CUL5: variants seen among roughly 807,000 people sequenced by gnomAD.
CUL5 encodes the protein cullin-5.
CUL5 carries 26 observed loss-of-function variants against 108.8 expected under a neutral mutation model. That is an observed-to-expected ratio of 0.24 (90% confidence interval 0.18 to 0.33). The LOEUF is 0.33. CUL5 is among the 10% of genes least tolerant of loss of function. The probability of loss-of-function intolerance (pLI) is 1.00; values close to 1 mark genes in which losing one functional copy is unlikely to be tolerated. For synonymous variants in CUL5, 334 were observed against 298.0 expected, an observed-to-expected ratio of 1.12 and a Z score of -1.25; for missense variants, 524 against 909.2, an observed-to-expected ratio of 0.58 and a Z score of 5.45.
chr11:108,062,454 A>G lies in CUL5; in HGVS notation c.780+7499A>G, dbSNP rs554778163. ...GTCTATTGATTCCTACCAATCTGCC[A>G]GTATCATAGATTTTAAAATATTTTT... On this transcript the variant is annotated intron_variant, in intron 7 of 18. Transcript: ENST00000393094. Among the ~76,000 whole-genome samples the G allele has an allele frequency of 9.9e-5, 15 of 151,782 alleles. No homozygotes were observed. In the South Asian group the frequency reaches 2.5e-3, roughly 25 times the overall value.
intron 2 of CUL5, among the ~76,000 whole-genome samples, chr11:108,044,245 AG>A (rs1863008538): frequency 6.6e-6 from 1 of 152,114 alleles, no homozygotes; most frequent in Non-Finnish European, 1.5e-5. Context: ...GGCCAACCCC[AG>A]TGGCTCATGC....
At chr11:108,025,666 A>G (rs1236871072) in intron 1 of CUL5, among the ~76,000 whole-genome samples, 1 of 151,876 alleles carries the variant, frequency 6.6e-6, no homozygotes, top group African/African-American at 2.4e-5. Context: ...GCCCATTCCC[A>G]TTCCTTCCTA....
chr11:108,040,845 T>C (rs1862885248), intron 2 of CUL5, among the ~76,000 whole-genome samples: 1 of 152,074 alleles, frequency 6.6e-6, no homozygotes, highest in South Asian at 2.1e-4. Context: ...TAACTGGTGA[T>C]TGAGAAAAGA....
chr11:108,095,802 A>G, intron 16 of CUL5, 111 bp downstream of exon 16: 1 of 1,059,962 alleles, frequency 9.4e-7, no homozygotes, highest in East Asian at 2.5e-5. Context: ...ATGTCTTATC[A>G]AGAAAAATAG....
chr11:108,073,690 T>C (rs768312982), intron 10 of CUL5, 193 bp downstream of exon 10: 3 of 344,022 alleles, frequency 8.7e-6, no homozygotes, highest in Non-Finnish European at 1.6e-5. Flanking sequence ...TAGATAGCCT[T>C]GTGAATTAGA....
At chr11:108,073,748 C>A (rs947111410) in intron 10 of CUL5, 11 of 233,790 alleles carry the variant, frequency 4.7e-5, no homozygotes, top group Non-Finnish European at 8.2e-6. Flanking sequence ...GAATGTTTTT[C>A]TGTTTTTGAA....
intron 11 of CUL5, among the ~76,000 whole-genome samples, chr11:108,081,896 G>A (rs1864096672): frequency 6.6e-6 from 1 of 152,206 alleles, no homozygotes; most frequent in African/African-American, 2.4e-5. Flanking sequence ...AGCAAGATGT[G>A]TGCATGTTTC....
In CUL5 at chr11:108,063,498, A is replaced by G. The variant is rs1403121535; in HGVS notation, c.781-6598A>G. Among the ~76,000 whole-genome samples, 6 of 151,970 alleles carry G rather than the reference A, an allele frequency of 3.9e-5. 1 individual carries two copies. In the East Asian group the frequency reaches 1.2e-3, roughly 29 times the overall value. ...AAATCTTGATTATAAGTAGTGCTGC[A>G]ATACATGTATACATATGTAACAAAC... is the stretch of plus-strand genomic sequence containing the variant. On this transcript the variant is annotated intron_variant, in intron 7 of 18. Coordinates refer to ENST00000393094, the MANE Select transcript of CUL5 (RefSeq NM_003478.6).
chr11:108,041,799 C>G (rs562975110), intron 2 of CUL5, among the ~76,000 whole-genome samples: 2 of 152,146 alleles, frequency 1.3e-5, no homozygotes, highest in South Asian at 4.2e-4. Flanking sequence ...ATCATGTTGG[C>G]CAGGCTGGTC....
At chr11:108,083,486 C>T (rs1247098481) in intron 11 of CUL5, among the ~76,000 whole-genome samples, 1 of 152,162 alleles carries the variant, frequency 6.6e-6, no homozygotes, top group Non-Finnish European at 1.5e-5. Context: ...CTTTTAGCTC[C>T]ACATTAAAGT....
chr11:108,030,270 T>C (rs1862546284), intron 1 of CUL5, among the ~76,000 whole-genome samples: 1 of 152,214 alleles, frequency 6.6e-6, no homozygotes, highest in Non-Finnish European at 1.5e-5. Flanking sequence ...AAAAAGAAAC[T>C]AGTTGTTCAG....
intron 1 of CUL5, among the ~76,000 whole-genome samples, chr11:108,010,287 A>G (rs1862030585): frequency 6.6e-6 from 1 of 152,232 alleles, no homozygotes; most frequent in Non-Finnish European, 1.5e-5. Flanking sequence ...GCCTAATACA[A>G]AGGATGAACC....
chr11:108,083,320 T>TTAAG (rs1449951911), intron 11 of CUL5, among the ~76,000 whole-genome samples: 36 of 152,352 alleles, frequency 2.4e-4, no homozygotes, highest in African/African-American at 7.5e-4. Context: ...TACTGCTGCA[T>TTAAG]TAAGTAGTTT....
chr11:108,020,505 AAT>A (rs1226893839), intron 1 of CUL5, among the ~76,000 whole-genome samples: 1 of 151,896 alleles, frequency 6.6e-6, no homozygotes, highest in Non-Finnish European at 1.5e-5. Context: ...AAAGAAAGTA[AAT>A]ATGTTTGTGC....
intron 7 of CUL5, among the ~76,000 whole-genome samples, chr11:108,068,516 T>C (rs1185882523): frequency 6.6e-6 from 1 of 151,150 alleles, no homozygotes; most frequent in African/African-American, 2.4e-5. Context: ...AAGAACAGTA[T>C]AATGAATCCC....
At chr11:108,023,222 C>G (rs568144335) in intron 1 of CUL5, among the ~76,000 whole-genome samples, 1 of 152,324 alleles carries the variant, frequency 6.6e-6, no homozygotes, top group South Asian at 2.1e-4. Context: ...GCACTCCAGC[C>G]TGGGCAACAA....
intron 7 of CUL5, 127 bp downstream of exon 7, chr11:108,055,082 G>T: frequency 1.4e-6 from 1 of 734,104 alleles, no homozygotes; most frequent in Non-Finnish European, 2.2e-6. Flanking sequence ...AGTTCTTTTT[G>T]CCTATGAGCC....
At chr11:108,101,834 CT>C (rs2135252665) in intron 18 of CUL5, among the ~76,000 whole-genome samples, 1 of 152,316 alleles carries the variant, frequency 6.6e-6, no homozygotes, top group Non-Finnish European at 1.5e-5. Context: ...AATGCCTCTG[CT>C]TTTCCTCTGG....
intron 7 of CUL5, among the ~76,000 whole-genome samples, chr11:108,060,615 C>T (rs1389471009): frequency 1.3e-5 from 2 of 152,212 alleles, no homozygotes; most frequent in South Asian, 2.1e-4. Flanking sequence ...GCGGGTGGAT[C>T]ACCTGAGGTC....
Sources: allele counts gnomAD v4.1 joint callset (sites outside exome capture counted in the v4.1 genomes callset), GRCh38; gene constraint gnomAD v4.1.1; transcripts MANE v1.5; gene names NCBI Gene and HGNC (gene_info 2026-07-23, HGNC 2026-07-21).